THSD7B: variants seen among roughly 807,000 people sequenced by gnomAD.
The protein encoded by THSD7B is thrombospondin type 1 domain containing 7B, also known as thrombospondin type-1 domain-containing protein 7B.
THSD7B carries 138 observed loss-of-function variants against 213.6 expected under a neutral mutation model. That is an observed-to-expected ratio of 0.65 (90% CI 0.56 to 0.74). THSD7B has a LOEUF of 0.74. Ranked by LOEUF, THSD7B falls within the 30% of genes least tolerant of loss-of-function variation. The pLI is 0.00. For synonymous variants in THSD7B, 742 were observed against 687.0 expected (o/e 1.08, Z -1.25); for missense variants, 1,931 against 1,991.5 (o/e 0.97, Z 0.58).
intron 1 of THSD7B, among the ~76,000 whole-genome samples, chr2:136,805,440 A>G (rs1682264395): frequency 6.6e-6 from 1 of 152,258 alleles, no homozygotes; most frequent in Non-Finnish European, 1.5e-5. Context: ...CTAAATGGAT[A>G]CAGCCTAAAA....
At chr2:137,520,433 A>T (rs959380677) in intron 15 of THSD7B, among the ~76,000 whole-genome samples, 2 of 152,238 alleles carry the variant, frequency 1.3e-5, no homozygotes, top group Non-Finnish European at 2.9e-5. Flanking sequence ...TATTTAAAGC[A>T]CCTGCATTTA....
At chr2:137,452,562 CT>C (rs1687673523) in intron 15 of THSD7B, among the ~76,000 whole-genome samples, 1 of 152,082 alleles carries the variant, frequency 6.6e-6, no homozygotes, top group African/African-American at 2.4e-5. Context: ...TATGATAATT[CT>C]TTTTGTATCT....
chr2:136,854,567 G>C (rs1460812642), intron 1 of THSD7B, among the ~76,000 whole-genome samples: 1 of 151,706 alleles, frequency 6.6e-6, no homozygotes, highest in Non-Finnish European at 1.5e-5. Context: ...CATGGCCTTA[G>C]CACAGCACTA....
chr2:136,998,038 G>A (rs975467087), intron 2 of THSD7B, among the ~76,000 whole-genome samples: 6 of 152,046 alleles, frequency 3.9e-5, no homozygotes, highest in African/African-American at 1.4e-4. Context: ...AACTGAGCAA[G>A]GAGCTCGGGA....
At chr2:136,831,129 CT>C (rs776235166) in intron 1 of THSD7B, among the ~76,000 whole-genome samples, 2,609 of 119,836 alleles carry the variant, frequency 0.022, 79 homozygotes, top group African/African-American at 0.076. Context: ...CCTGTAGAAT[CT>C]TTTTTTTTTT....
intron 16 of THSD7B, among the ~76,000 whole-genome samples, chr2:137,566,287 G>T (rs993089237): frequency 1.3e-5 from 2 of 152,138 alleles, no homozygotes; most frequent in African/African-American, 2.4e-5. Context: ...AGTCGAATTT[G>T]GTCCATTTGC....
intron 12 of THSD7B, among the ~76,000 whole-genome samples, chr2:137,391,468 C>T (rs1686025087): frequency 6.6e-6 from 1 of 152,008 alleles, no homozygotes; most frequent in South Asian, 2.1e-4. Context: ...GCGGGCAGAT[C>T]ACAAGGATCA....
intron 27 of THSD7B, among the ~76,000 whole-genome samples, chr2:137,673,326 G>T (rs1200353786): frequency 6.6e-6 from 1 of 152,216 alleles, no homozygotes; most frequent in Non-Finnish European, 1.5e-5. Flanking sequence ...TATGCTGTGT[G>T]CCAACTCTAA....
chr2:137,275,889 A>G, intron 11 of THSD7B, 34 bp from the exon 12 acceptor site: 5 of 1,525,650 alleles, frequency 3.3e-6, no homozygotes, highest in Non-Finnish European at 3.6e-6. Context: ...TGATCACAGT[A>G]AAGTTTCTAG....
intron 12 of THSD7B, among the ~76,000 whole-genome samples, chr2:137,326,411 G>C (rs1684375510): frequency 6.6e-6 from 1 of 151,946 alleles, no homozygotes; most frequent in African/African-American, 2.4e-5. Flanking sequence ...AAGTTCTTAA[G>C]CCCCCCACAC....
chr2:136,829,933 C>G (rs1006923592), intron 1 of THSD7B, among the ~76,000 whole-genome samples: 1 of 151,900 alleles, frequency 6.6e-6, no homozygotes, highest in African/African-American at 2.4e-5. Flanking sequence ...CTCTTTTTAT[C>G]TTTTTTATAT....
At chr2:137,307,417 A>G (rs1683778417) in intron 12 of THSD7B, among the ~76,000 whole-genome samples, 1 of 152,108 alleles carries the variant, frequency 6.6e-6, no homozygotes, top group Non-Finnish European at 1.5e-5. Flanking sequence ...CTCTCTAGGA[A>G]CATGTCTCGA....
Position 136,912,471 on chromosome 2 carries a change from G to A in THSD7B, c.139+30154G>A, listed in dbSNP as rs547722330. Among the ~76,000 whole-genome samples, 44 of 152,108 alleles carry A rather than the reference G, an allele frequency of 2.9e-4. No homozygotes were observed. The South Asian group carries it at 8.9e-3, about 31-fold the overall frequency. The stretch of plus-strand genomic sequence containing the variant: ...GTGTGCTTTCCTGCTGTGTTACTCT[G>A]GGCAGTTGATTCAAGCTCTATTTGC... On this transcript the variant is annotated intron_variant, in intron 2 of 27. Coordinates refer to ENST00000409968, the MANE Select transcript of THSD7B (RefSeq NM_001316349.2).
intron 15 of THSD7B, among the ~76,000 whole-genome samples, chr2:137,505,247 A>C (rs1294780104): frequency 6.6e-6 from 1 of 152,194 alleles, no homozygotes; most frequent in Admixed American, 6.5e-5. Flanking sequence ...GACTTTAATA[A>C]GAGAAGATGA....
At chr2:137,192,009 C>T (rs1680669211) in intron 7 of THSD7B, among the ~76,000 whole-genome samples, 1 of 152,048 alleles carries the variant, frequency 6.6e-6, no homozygotes, top group Non-Finnish European at 1.5e-5. Flanking sequence ...ATACCAATAA[C>T]TGAATCTTTA....
intron 15 of THSD7B, among the ~76,000 whole-genome samples, chr2:137,519,513 T>C (rs1558825213): frequency 6.6e-6 from 1 of 152,162 alleles, no homozygotes; most frequent in Non-Finnish European, 1.5e-5. Context: ...GCTATCACTA[T>C]AGGAGGGTTC....
At chr2:136,947,121 G>A (rs1684956255) in intron 2 of THSD7B, among the ~76,000 whole-genome samples, 1 of 152,108 alleles carries the variant, frequency 6.6e-6, no homozygotes, top group Non-Finnish European at 1.5e-5. Flanking sequence ...TCTTGGAACA[G>A]TGACCCTCGA....
At chr2:136,822,155 C>T (rs1029498603) in intron 1 of THSD7B, among the ~76,000 whole-genome samples, 6 of 152,100 alleles carry the variant, frequency 3.9e-5, no homozygotes, top group African/African-American at 2.4e-5. Flanking sequence ...TTGCCTTTTA[C>T]GTTCTCTGAA....
chr2:136,901,818 G>A (rs1338526766), intron 2 of THSD7B, among the ~76,000 whole-genome samples: 1 of 152,172 alleles, frequency 6.6e-6, no homozygotes, highest in African/African-American at 2.4e-5. Context: ...ATTAAAGCCA[G>A]CGATGCATTA....
Sources: allele counts gnomAD v4.1 joint callset (sites outside exome capture counted in the v4.1 genomes callset), GRCh38; gene constraint gnomAD v4.1.1; transcripts MANE v1.5; gene names NCBI Gene and HGNC (gene_info 2026-07-23, HGNC 2026-07-21).